Variants in SSH2 observed in about 807,000 individuals in gnomAD.
The protein encoded by SSH2 is slingshot protein phosphatase 2.
A neutral mutation model predicts 135.2 loss-of-function variants in SSH2; 37 were observed. That is an observed-to-expected ratio of 0.27 (90% confidence interval 0.21 to 0.36). The LOEUF is 0.36. Ranked by LOEUF, SSH2 falls within the 10% of genes least tolerant of loss-of-function variation. The pLI is 1.00. For synonymous variants in SSH2, 628 were observed against 646.2 expected (o/e 0.97, Z 0.43); for missense variants, 1,408 against 1,765.3 (o/e 0.80, Z 3.63).
chr17:29,669,047 G>A (rs1294784943), intron 9 of SSH2, among the ~76,000 whole-genome samples: 1 of 151,992 alleles, frequency 6.6e-6, no homozygotes, highest in East Asian at 1.9e-4. Flanking sequence ...TTAAGAGTTC[G>A]AGACCAGCCT....
At chr17:29,727,992 C>T (rs1037538481) in intron 3 of SSH2, among the ~76,000 whole-genome samples, 9 of 152,124 alleles carry the variant, frequency 5.9e-5, no homozygotes, top group Admixed American at 3.9e-4. Context: ...ACAAGCCTGG[C>T]CAACATGGCG....
rs534237305 is a variant in SSH2 at position 29,636,848 on chromosome 17, A to T, written c.1428-46T>A. On this transcript the variant is annotated intron_variant, in intron 14 of 15. Transcript: ENST00000540801. The stretch of plus-strand genomic sequence containing the variant: ...AAGTATCTTAATCTGGTTTGTAAAG[A>T]TAATCAACACCCTCCCAGGAAAACA... 24 of 1,337,676 alleles carry T rather than the reference A, an allele frequency of 1.8e-5. No homozygotes were observed. In the South Asian group the frequency reaches 2.8e-4, roughly 16 times the overall value. 82.9% of individuals were successfully genotyped at this position (1,337,676 alleles called of 1,614,324 possible). A position where few individuals can be genotyped will look rare whatever the true frequency, so the allele number is the denominator to read the frequency against.
intron 15 of SSH2, among the ~76,000 whole-genome samples, chr17:29,635,453 G>C (rs915947489): frequency 6.6e-6 from 1 of 151,698 alleles, no homozygotes; most frequent in Admixed American, 6.6e-5. Flanking sequence ...CGCCCAGGCT[G>C]GAGTGCAGTG....
chr17:29,740,448 CT>C (rs34076256), intron 3 of SSH2, among the ~76,000 whole-genome samples: 87,995 of 147,660 alleles, frequency 0.6, 28,468 homozygotes, highest in African/African-American at 0.87. Context: ...TTATTACCCT[CT>C]TTTTTTTTTT....
chr17:29,698,101 A>G (rs2038834622), intron 4 of SSH2, among the ~76,000 whole-genome samples: 1 of 152,270 alleles, frequency 6.6e-6, no homozygotes, highest in South Asian at 2.1e-4. Flanking sequence ...AAATCCATTC[A>G]TATGAATCCA....
chr17:29,694,643 T>C (rs1227448352), intron 5 of SSH2, among the ~76,000 whole-genome samples: 2 of 152,196 alleles, frequency 1.3e-5, no homozygotes, highest in Non-Finnish European at 2.9e-5. Context: ...CACTCCAGCC[T>C]GGGCAAAAGA....
intron 3 of SSH2, among the ~76,000 whole-genome samples, chr17:29,732,490 G>A (rs1341915813): frequency 6.6e-6 from 1 of 152,068 alleles, no homozygotes; most frequent in Non-Finnish European, 1.5e-5. Flanking sequence ...TTGGTCTAGT[G>A]CAAAAAAATT....
At chr17:29,853,366 T>G (rs945931899) in intron 1 of SSH2, among the ~76,000 whole-genome samples, 1 of 151,748 alleles carries the variant, frequency 6.6e-6, no homozygotes. Context: ...ATTACAGGCA[T>G]GAGCCACCGC....
chr17:29,836,489 A>G (rs1013215377), intron 2 of SSH2, among the ~76,000 whole-genome samples: 4 of 152,186 alleles, frequency 2.6e-5, no homozygotes, highest in Non-Finnish European at 4.4e-5. Flanking sequence ...TTGTGGAATA[A>G]ATAAGCTCAG....
At chr17:29,683,092 C>G (rs1203923495) in intron 6 of SSH2, among the ~76,000 whole-genome samples, 1 of 152,122 alleles carries the variant, frequency 6.6e-6, no homozygotes, top group Non-Finnish European at 1.5e-5. Context: ...GAATCATTCC[C>G]AGGCTCCTCC....
At chr17:29,883,359 C>T (rs150298971) in intron 1 of SSH2, among the ~76,000 whole-genome samples, 1 of 152,172 alleles carries the variant, frequency 6.6e-6, no homozygotes, top group East Asian at 1.9e-4. Flanking sequence ...TGCTTAACAG[C>T]TGTAAAAAGA....
chr17:29,926,454 T>A (rs555629732), intron 1 of SSH2, among the ~76,000 whole-genome samples: 1 of 151,080 alleles, frequency 6.6e-6, no homozygotes, highest in Non-Finnish European at 1.5e-5. Context: ...CTGGGGAAGC[T>A]GAGGTGCGAG....
intron 3 of SSH2, among the ~76,000 whole-genome samples, chr17:29,736,657 C>T (rs991883075): frequency 4.7e-5 from 7 of 149,618 alleles, no homozygotes; most frequent in East Asian, 2.0e-4. Context: ...CACGGTGGCA[C>T]GTGCCTACAG....
Position 29,632,884 on chromosome 17 carries a change from C to T in SSH2, c.2310G>A (p.Ser770=), listed in dbSNP as rs371849305. 223 of 1,613,892 alleles carry T rather than the reference C, an allele frequency of 1.4e-4. No individual in the cohort carries two copies. Among genetic ancestry groups the T allele is most frequent in the East Asian group, 8.2e-4 (37 of 44,880 alleles). ...VSPDIFMQSH[S]ENAISVKEIV... Reference sequence around the variant, plus strand: ...TTTCTTTGACTGAAATTGCATTTTCCGAGTGAGACTGCATGAAGATGTCTG... The same window carrying T: ...TTTCTTTGACTGAAATTGCATTTTCTGAGTGAGACTGCATGAAGATGTCTG... The change falls in exon 16 of 16, where the codon TCG becomes TCA. Residue 770 remains serine, a synonymous_variant. Transcript: ENST00000540801.
In SSH2 at chr17:29,792,651, A is replaced by G. The variant is rs573084524; in HGVS notation, c.188+1243T>C. 4.6e-5 allele frequency among the ~76,000 whole-genome samples: 7 copies of G among 152,254 alleles called. No individual in the cohort carries two copies. The East Asian group carries it at 1.4e-3, about 29-fold the overall frequency. ...GGTATATATCAACAAACACCTGATAATAATAATAATAATTTTTATTATTTT... is the reference window on the plus strand; with the variant it reads ...GGTATATATCAACAAACACCTGATAGTAATAATAATAATTTTTATTATTTT... On this transcript the variant is annotated intron_variant, in intron 3 of 15. Transcript: ENST00000540801.
At chr17:29,768,695 A>G (rs1328906357) in intron 3 of SSH2, among the ~76,000 whole-genome samples, 3 of 152,182 alleles carry the variant, frequency 2.0e-5, no homozygotes, top group African/African-American at 7.2e-5. Context: ...AGATATTTTG[A>G]GATCTGTTCA....
rs191219876 is a variant in SSH2, at chr17:29,685,661, C to T, written c.358-977G>A. Among the ~76,000 whole-genome samples, 51 of 150,556 alleles carry T rather than the reference C, an allele frequency of 3.4e-4. No homozygotes were observed. The East Asian group carries it at 9.7e-3, about 28-fold the overall frequency. On this transcript the variant is annotated intron_variant, in intron 5 of 15. Coordinates refer to ENST00000540801, the MANE Select transcript of SSH2 (RefSeq NM_001282129.2). ...AAAATTAGCTGGGCGTGGTGGCGCA[C>T]GCCTGTAATCCCAGCTACTTAGGAG...
intron 13 of SSH2, among the ~76,000 whole-genome samples, chr17:29,649,185 G>A (rs770422051): frequency 4.6e-5 from 7 of 151,946 alleles, no homozygotes; most frequent in Admixed American, 2.6e-4. Flanking sequence ...AGATATAGGA[G>A]CATTTTAAGA....
At chr17:29,917,309 A>G (rs2066899429) in intron 1 of SSH2, among the ~76,000 whole-genome samples, 1 of 152,264 alleles carries the variant, frequency 6.6e-6, no homozygotes, top group African/African-American at 2.4e-5. Flanking sequence ...TTGCTCTTCC[A>G]TCTTTTCCAA....
Sources: gnomAD v4.1 joint callset for allele counts (sites outside exome capture counted in the v4.1 genomes callset) on GRCh38, gnomAD v4.1.1 for gene constraint, MANE v1.5 for transcripts, NCBI Gene and HGNC (gene_info 2026-07-23, HGNC 2026-07-21) for gene names.